Variants in LHFPL1 observed in about 807,000 individuals in gnomAD.
The protein encoded by LHFPL1 is LHFPL tetraspan subfamily member 1.
A neutral mutation model predicts 12.1 loss-of-function variants in LHFPL1; 4 were observed. That is an observed-to-expected ratio of 0.33 (90% CI 0.16 to 0.76). The LOEUF is 0.76. LHFPL1 is among the 30% of genes least tolerant of loss of function. The pLI is 0.61. For synonymous variants in LHFPL1, 52 were observed against 61.9 expected (o/e 0.84, Z 0.75); for missense variants, 141 against 174.1 (o/e 0.81, Z 1.07).
At chrX:112,647,893 T>C (rs1322045914) in intron 3 of LHFPL1, among the ~76,000 whole-genome samples, 2 of 111,855 alleles carry the variant, frequency 1.8e-5, no homozygotes, top group Non-Finnish European at 3.8e-5. Context: ...ATTGCAGCAT[T>C]ATTCACAATA....
chrX:112,650,853 C>T (rs1489038352), intron 3 of LHFPL1, among the ~76,000 whole-genome samples: 1 of 112,142 alleles, frequency 8.9e-6, no homozygotes, highest in Non-Finnish European at 1.9e-5. Flanking sequence ...AATTGTTCAA[C>T]AACATGTGAC....
intron 3 of LHFPL1, among the ~76,000 whole-genome samples, chrX:112,657,285 T>A (rs1173691626): frequency 1.8e-5 from 2 of 112,021 alleles, no homozygotes; most frequent in Non-Finnish European, 3.8e-5. Context: ...TTCAAAGGAA[T>A]TCAAAGTGAC....
Position 112,671,361 on chromosome X carries a change from G to A in LHFPL1, c.30C>T (p.Thr10=). 1.2e-5 allele frequency: 14 copies of A among 1,211,790 alleles called. No individual in the cohort carries two copies. Among genetic ancestry groups the A allele is most frequent in the Middle Eastern group, 2.3e-4 (1 of 4,350 alleles). MRSSLTMVG[T]LWAFLSLVTA... is the part of the protein sequence containing the mutation. Reference sequence around the variant, plus strand: ...TAACAAGGGACAGGAAGGCCCAGAGGGTTCCCACCATGGTCAGGCTGCTCC... The same window carrying A: ...TAACAAGGGACAGGAAGGCCCAGAGAGTTCCCACCATGGTCAGGCTGCTCC... Residue 10 remains threonine, a synonymous_variant, in exon 2 of 4, where the codon ACC becomes ACT. Transcript: ENST00000371968.
At chrX:112,656,977 C>T (rs770251844) in intron 3 of LHFPL1, among the ~76,000 whole-genome samples, 3 of 111,774 alleles carry the variant, frequency 2.7e-5, no homozygotes, top group Admixed American at 1.9e-4. Flanking sequence ...GTATCATACT[C>T]CAAATCTCTA....
chrX:112,679,562 G>A (rs1392087560), intron 1 of LHFPL1, among the ~76,000 whole-genome samples: 1 of 111,510 alleles, frequency 9.0e-6, no homozygotes, highest in Non-Finnish European at 1.9e-5. Flanking sequence ...AAACCAACTA[G>A]CACTTAACCC....
intron 3 of LHFPL1, among the ~76,000 whole-genome samples, chrX:112,658,091 A>T (rs1387032798): frequency 9.0e-6 from 1 of 111,302 alleles, no homozygotes; most frequent in Non-Finnish European, 1.9e-5. Flanking sequence ...TTACAGCTCA[A>T]CAACAACGAG....
At chrX:112,636,689 A>G (rs1424504855) in intron 3 of LHFPL1, among the ~76,000 whole-genome samples, 2 of 111,968 alleles carry the variant, frequency 1.8e-5, no homozygotes, top group Non-Finnish European at 3.8e-5. Flanking sequence ...GACAGGATAA[A>G]TATTTGAATA....
At chrX:112,674,080 G>A (rs754541088) in intron 1 of LHFPL1, among the ~76,000 whole-genome samples, 7 of 111,710 alleles carry the variant, frequency 6.3e-5, no homozygotes, top group Admixed American at 5.7e-4. Context: ...AAACAGCGTG[G>A]CACTGGTATA....
rs889039128 is a variant in LHFPL1 at position 112,631,405 on chromosome X, A to G, written c.*15T>C. On this transcript the variant is annotated 3_prime_UTR_variant, in exon 4 of 4. Coordinates refer to ENST00000371968, the MANE Select transcript of LHFPL1 (RefSeq NM_178175.4). ...CTCCTCCCCTTTCCCACCCTCTCCA[A>G]TCTTCTTTCAAAGCTCAAGGTTTGA... 4 of 1,193,124 alleles carry G rather than the reference A, an allele frequency of 3.4e-6. No homozygotes were observed. The highest frequency in any genetic ancestry group is 3.5e-5 in the African/African-American group (2 of 57,349).
chrX:112,667,677 C>T (rs1391060021), intron 2 of LHFPL1, among the ~76,000 whole-genome samples: 1 of 112,092 alleles, frequency 8.9e-6, no homozygotes, highest in African/African-American at 3.2e-5. Context: ...TGGGGGCCAG[C>T]TGTTTAGAAA....
intron 1 of LHFPL1, among the ~76,000 whole-genome samples, chrX:112,679,452 C>A (rs1004942534): frequency 9.0e-6 from 1 of 111,558 alleles, no homozygotes; most frequent in Non-Finnish European, 1.9e-5. Context: ...ATTAGCAAAC[C>A]GGATCCATTT....
intron 1 of LHFPL1, 146 bp from the exon 2 acceptor site, chrX:112,671,550 C>A: frequency 2.7e-6 from 3 of 1,125,409 alleles, no homozygotes; most frequent in South Asian, 2.2e-5. Flanking sequence ...TAAGATTATT[C>A]TCTCGAGGAC....
chrX:112,656,973 T>A (rs927914657), intron 3 of LHFPL1, among the ~76,000 whole-genome samples: 1 of 112,084 alleles, frequency 8.9e-6, no homozygotes, highest in African/African-American at 3.2e-5. Context: ...AAGTGTATCA[T>A]ACTCCAAATC....
At chrX:112,673,931 T>C (rs1362289016) in intron 1 of LHFPL1, among the ~76,000 whole-genome samples, 2 of 111,767 alleles carry the variant, frequency 1.8e-5, no homozygotes, top group Admixed American at 1.9e-4. Flanking sequence ...TCTCAGCACT[T>C]GTAGTCAAAA....
rs1931147075 is a variant in LHFPL1 at position 112,660,475 on chromosome X, A to G, written c.481+152T>C. 4 of 485,063 alleles carry G rather than the reference A, an allele frequency of 8.2e-6. No individual in the cohort carries two copies. In the East Asian group the frequency reaches 1.4e-4, roughly 17 times the overall value. The allele number at this position is 485,063 out of a possible 1,213,427, so 40.0% of individuals were successfully genotyped here. On this transcript the variant is annotated intron_variant, in intron 3 of 3. Coordinates refer to ENST00000371968, the MANE Select transcript of LHFPL1 (RefSeq NM_178175.4). ...GTTAAAGAAGGGGAATTTACAGCCA[A>G]CTCTTGTGAGTTAAGCTACCACTTC...
chrX:112,654,484 G>A (rs1439518348), intron 3 of LHFPL1, among the ~76,000 whole-genome samples: 2 of 111,080 alleles, frequency 1.8e-5, no homozygotes, highest in African/African-American at 6.5e-5. Context: ...GCAGAACAGT[G>A]TAGCTAGATA....
At chrX:112,653,057 G>A (rs1435717154) in intron 3 of LHFPL1, among the ~76,000 whole-genome samples, 2 of 111,901 alleles carry the variant, frequency 1.8e-5, no homozygotes, top group African/African-American at 6.5e-5. Context: ...CACTCTACCA[G>A]CTGAGTGAGT....
At chrX:112,662,807 G>A (rs1194992094) in intron 2 of LHFPL1, among the ~76,000 whole-genome samples, 3 of 111,696 alleles carry the variant, frequency 2.7e-5, no homozygotes, top group Non-Finnish European at 5.6e-5. Flanking sequence ...TGAAGAGGTC[G>A]TCCAGAGTAC....
At chrX:112,670,896 A>T in intron 2 of LHFPL1, 113 bp downstream of exon 2, 1 of 826,812 alleles carries the variant, frequency 1.2e-6, no homozygotes, top group Non-Finnish European at 1.7e-6. Context: ...TCATAGCCTT[A>T]GAGTTGGACA....
Sources: allele counts gnomAD v4.1 joint callset (sites outside exome capture counted in the v4.1 genomes callset), GRCh38; gene constraint gnomAD v4.1.1; transcripts MANE v1.5; gene names NCBI Gene and HGNC (gene_info 2026-07-23, HGNC 2026-07-21).